The following ARB2A variants were observed in gnomAD, a reference collection of about 807,000 sequenced individuals.
ARB2A encodes ARB2 cotranscriptional regulator A.
the ARB2A span, among the ~76,000 whole-genome samples, chr5:93,699,229 C>G: frequency 6.6e-6 from 1 of 152,154 alleles, no homozygotes; most frequent in Non-Finnish European, 1.5e-5. Context: ...TAACCACTAT[C>G]TTAAACATAC....
the ARB2A span, among the ~76,000 whole-genome samples, chr5:93,767,767 G>A: frequency 2.6e-5 from 4 of 151,834 alleles, no homozygotes; most frequent in African/African-American, 9.7e-5. Flanking sequence ...GGCCGAGATG[G>A]GTGGATCACG....
chr5:94,105,641 T>C, the ARB2A span, among the ~76,000 whole-genome samples: 11 of 151,852 alleles, frequency 7.2e-5, no homozygotes, highest in East Asian at 2.1e-3. Flanking sequence ...CTAACATTCA[T>C]ATGGAACTGA....
chr5:93,998,244 A>C, the ARB2A span, among the ~76,000 whole-genome samples: 1 of 152,098 alleles, frequency 6.6e-6, no homozygotes, highest in South Asian at 2.1e-4. Flanking sequence ...TAAAACCTAG[A>C]GAGTATTGAG....
chr5:94,030,367 CA>C, the ARB2A span, among the ~76,000 whole-genome samples: 1 of 152,208 alleles, frequency 6.6e-6, no homozygotes, highest in Non-Finnish European at 1.5e-5. Flanking sequence ...AGGTTGTTGG[CA>C]AAATCCTGTT....
At chr5:93,940,423 G>A in the ARB2A span, among the ~76,000 whole-genome samples, 1 of 151,804 alleles carries the variant, frequency 6.6e-6, no homozygotes, top group Non-Finnish European at 1.5e-5. Context: ...CTTAATTTAA[G>A]GATGTCACAT....
the ARB2A span, among the ~76,000 whole-genome samples, chr5:93,838,807 T>C: frequency 0.088 from 13,396 of 152,252 alleles, 783 homozygotes; most frequent in Middle Eastern, 0.17. Flanking sequence ...TTTGTGGCAA[T>C]TGTGAATAGG....
At chr5:93,846,223 GC>G in the ARB2A span, among the ~76,000 whole-genome samples, 1 of 152,102 alleles carries the variant, frequency 6.6e-6, no homozygotes, top group African/African-American at 2.4e-5. Context: ...GGGAGGCTGG[GC>G]CCAGTGTGGT....
chr5:94,028,972 C>T, the ARB2A span, among the ~76,000 whole-genome samples: 1 of 152,046 alleles, frequency 6.6e-6, no homozygotes, highest in Non-Finnish European at 1.5e-5. Context: ...AAGGTTCACA[C>T]ACTGCATTTG....
the ARB2A span, among the ~76,000 whole-genome samples, chr5:93,878,233 T>C: frequency 6.7e-6 from 1 of 150,052 alleles, no homozygotes; most frequent in Non-Finnish European, 1.5e-5. Flanking sequence ...AAGTGGTAGT[T>C]GTAGTGAGGG....
the ARB2A span, among the ~76,000 whole-genome samples, chr5:93,656,447 T>G: frequency 1.2e-4 from 18 of 152,268 alleles, no homozygotes; most frequent in Admixed American, 1.2e-3. Flanking sequence ...AAACATAATT[T>G]TAACTGTGTA....
At chr5:93,648,729 G>A in the ARB2A span, among the ~76,000 whole-genome samples, 1 of 152,146 alleles carries the variant, frequency 6.6e-6, no homozygotes, top group Non-Finnish European at 1.5e-5. Flanking sequence ...GCTGAACTGA[G>A]GGACTTAAAA....
the ARB2A span, among the ~76,000 whole-genome samples, chr5:93,801,079 A>C: frequency 1.3e-5 from 2 of 152,122 alleles, no homozygotes; most frequent in South Asian, 4.1e-4. Flanking sequence ...ACCTTTATCC[A>C]AATGAATCAC....
At chr5:93,625,172 G>A in the ARB2A span, among the ~76,000 whole-genome samples, 4 of 152,100 alleles carry the variant, frequency 2.6e-5, no homozygotes, top group Admixed American at 2.0e-4. Context: ...AGGTTTGCCT[G>A]AGCACTTTAA....
At chr5:93,808,415 A>C in the ARB2A span, among the ~76,000 whole-genome samples, 196 of 150,284 alleles carry the variant, frequency 1.3e-3, no homozygotes, top group East Asian at 4.3e-3. Flanking sequence ...AAAAAAAAAA[A>C]CCCACATACA....
chr5:93,710,695 A>G, the ARB2A span, among the ~76,000 whole-genome samples: 59 of 152,310 alleles, frequency 3.9e-4, 1 homozygote, highest in Middle Eastern at 3.4e-3. Flanking sequence ...TTTTTCTTTT[A>G]TGGGAAAATA....
At chr5:93,940,456 A>G in the ARB2A span, among the ~76,000 whole-genome samples, 1 of 151,992 alleles carries the variant, frequency 6.6e-6, no homozygotes, top group Non-Finnish European at 1.5e-5. Flanking sequence ...ATTAGTAGAT[A>G]TGTCTTTTTC....
the ARB2A span, among the ~76,000 whole-genome samples, chr5:94,075,236 C>T: frequency 7.9e-5 from 12 of 151,782 alleles, no homozygotes; most frequent in East Asian, 3.9e-4. Flanking sequence ...GATGCAAATA[C>T]GTAAATATAT....
the ARB2A span, among the ~76,000 whole-genome samples, chr5:93,705,686 A>C: frequency 6.7e-6 from 1 of 149,876 alleles, no homozygotes; most frequent in African/African-American, 2.5e-5. Flanking sequence ...GACTTTGTAT[A>C]TGTGTATTCA....
At chr5:93,744,421 T>A in the ARB2A span, among the ~76,000 whole-genome samples, 1 of 95,520 alleles carries the variant, frequency 1.0e-5, no homozygotes, top group East Asian at 2.8e-4. Flanking sequence ...GGCGACAGAG[T>A]GAGACTCAGT....
Sources: allele counts gnomAD v4.1 joint callset (sites outside exome capture counted in the v4.1 genomes callset), GRCh38; gene constraint gnomAD v4.1.1; transcripts MANE v1.5; gene names NCBI Gene and HGNC (gene_info 2026-07-23, HGNC 2026-07-21).